The following RPS29 variants were observed in gnomAD, a reference collection of about 807,000 sequenced individuals.
RPS29 encodes the protein ribosomal protein S29.
For missense variants in RPS29, 60 were observed against 75.7 expected (o/e 0.79, Z 0.77); for synonymous variants, 37 against 26.9 (o/e 1.37, Z -1.16).
chr14:49,586,053 T>C lies in RPS29; in HGVS notation c.63-4A>G, dbSNP rs1033285190. The C allele has an allele frequency of 2.5e-6, 4 of 1,610,478 alleles. No homozygotes were observed. Among genetic ancestry groups the C allele is most frequent in the Admixed American group, 1.7e-5 (1 of 59,892 alleles). On this transcript the variant is annotated splice_region_variant and splice_polypyrimidine_tract_variant and intron_variant, in intron 1 of 2. Coordinates refer to ENST00000245458, the MANE Select transcript of RPS29 (RefSeq NM_001032.5). ...GTGCCGGTTTGAACAGACACGACTG[T>C]AAGAAAAGAGACAGCGGTTTTGCAG... is the stretch of plus-strand genomic sequence containing the variant.
chr14:49,586,788 G>C (rs374776841), upstream of RPS29: 1 of 224,804 alleles, frequency 4.4e-6, no homozygotes, highest in Non-Finnish European at 9.3e-6. Flanking sequence ...AAACGGAGCA[G>C]GTCAAAACTC....
downstream of RPS29, among the ~76,000 whole-genome samples, chr14:49,580,111 G>A (rs776558754): frequency 3.3e-5 from 5 of 152,114 alleles, no homozygotes; most frequent in East Asian, 1.9e-4. Flanking sequence ...GGCACTGCAC[G>A]TCTCTTACAG....
chr14:49,593,716 A>G (rs1004596354), intron 1 of RPS29, among the ~76,000 whole-genome samples: 1 of 148,612 alleles, frequency 6.7e-6, no homozygotes, highest in African/African-American at 2.5e-5. Flanking sequence ...AAAAAAAAAA[A>G]GACGTTTTAA....
At chr14:49,585,911 T>C (rs1566482105) in intron 2 of RPS29, 39 bp downstream of exon 2, 13 of 1,519,566 alleles carry the variant, frequency 8.6e-6, no homozygotes, top group Non-Finnish European at 1.2e-5. Flanking sequence ...CACAACCTTC[T>C]CTGCCCAAAC....
intron 1 of RPS29, 97 bp downstream of exon 1, chr14:49,586,188 T>A: frequency 7.0e-7 from 1 of 1,419,344 alleles, no homozygotes; most frequent in African/African-American, 1.4e-5. Flanking sequence ...CCAGTCGGCG[T>A]GCTCCCTCGT....
exon 3 of RPS29, chr14:49,573,724 T>C (rs1362316048): frequency 6.6e-6 from 1 of 152,224 alleles, no homozygotes; most frequent in African/African-American, 2.4e-5. Context: ...CAGTTCCAAA[T>C]ATGCATTAGT....
intron 2 of RPS29, chr14:49,585,606 GTACT>G (rs1286984775): frequency 2.4e-6 from 1 of 412,420 alleles, no homozygotes; most frequent in African/African-American, 2.1e-5. Context: ...AAGAGAATAG[GTACT>G]TACAAGATTG....
downstream of RPS29, among the ~76,000 whole-genome samples, chr14:49,581,712 T>A (rs1288638701): frequency 2.0e-5 from 3 of 152,106 alleles, no homozygotes; most frequent in Non-Finnish European, 4.4e-5. Context: ...ATCTCCTGTA[T>A]CGGTTCCTTC....
downstream of RPS29, among the ~76,000 whole-genome samples, chr14:49,579,723 T>C (rs565446884): frequency 1.4e-4 from 22 of 152,316 alleles, no homozygotes; most frequent in Non-Finnish European, 2.2e-4. Context: ...TTGGTATGCA[T>C]GTAAATATGA....
downstream of RPS29, among the ~76,000 whole-genome samples, chr14:49,580,451 G>A (rs888157438): frequency 1.3e-5 from 2 of 152,140 alleles, no homozygotes; most frequent in East Asian, 1.9e-4. Context: ...ACATACACCT[G>A]GGGTTCAGGG....
At chr14:49,589,035 C>T (rs1170164474), upstream of RPS29, among the ~76,000 whole-genome samples, 1 of 151,728 alleles carries the variant, frequency 6.6e-6, no homozygotes, top group Non-Finnish European at 1.5e-5. Flanking sequence ...GGGACTACAG[C>T]GCCCGCCACC....
chr14:49,572,400 T>C (rs974054949), exon 3 of RPS29: 1 of 152,238 alleles, frequency 6.6e-6, no homozygotes, highest in East Asian at 1.9e-4. Flanking sequence ...AATATACCGG[T>C]TGAGGTCAGA....
At chr14:49,589,206 T>G (rs1881660839), upstream of RPS29, among the ~76,000 whole-genome samples, 1 of 152,196 alleles carries the variant, frequency 6.6e-6, no homozygotes, top group Non-Finnish European at 1.5e-5. Context: ...ATACATGGGT[T>G]TGAAATGCTT....
chr14:49,573,043 G>T (rs1198479132), exon 3 of RPS29: 1 of 150,008 alleles, frequency 6.7e-6, no homozygotes, highest in African/African-American at 2.5e-5. Flanking sequence ...ACTCCAGCCT[G>T]CATGACACAG....
chr14:49,596,417 G>A (rs1172332746), intron 1 of RPS29, among the ~76,000 whole-genome samples: 1 of 152,098 alleles, frequency 6.6e-6, no homozygotes, highest in African/African-American at 2.4e-5. Context: ...TATTTGTATG[G>A]TGGTAAAGTT....
At chr14:49,577,802 G>C (rs1047682114) in exon 3 of RPS29, 2 of 1,603,944 alleles carry the variant, frequency 1.2e-6, no homozygotes, top group African/African-American at 1.3e-5. Context: ...CATGATGGAG[G>C]AGATGGGTGT....
chr14:49,576,151 A>G (rs930463348), exon 3 of RPS29: 3 of 150,756 alleles, frequency 2.0e-5, no homozygotes, highest in African/African-American at 7.3e-5. Context: ...TGATACAAAC[A>G]TGACTCATTG....
exon 3 of RPS29, chr14:49,574,436 G>C (rs1354781374): frequency 1.3e-5 from 2 of 152,174 alleles, no homozygotes; most frequent in Non-Finnish European, 2.9e-5. Context: ...TACAAAGTCA[G>C]CTCCCGAATA....
At chr14:49,591,449 T>C (rs1242180805) in intron 1 of RPS29, among the ~76,000 whole-genome samples, 3 of 151,936 alleles carry the variant, frequency 2.0e-5, no homozygotes, top group African/African-American at 7.3e-5. Context: ...GTAGCTGGGA[T>C]TACAGGCGCA....
Sources: gnomAD v4.1 joint callset for allele counts (sites outside exome capture counted in the v4.1 genomes callset) on GRCh38, gnomAD v4.1.1 for gene constraint, MANE v1.5 for transcripts, NCBI Gene and HGNC (gene_info 2026-07-23, HGNC 2026-07-21) for gene names.